Variants in MYO5A observed in about 807,000 individuals in gnomAD.
The protein encoded by MYO5A is unconventional myosin-Va.
A neutral mutation model predicts 249.7 loss-of-function variants in MYO5A; 98 were observed. That is an observed-to-expected ratio of 0.39 (90% confidence interval 0.33 to 0.46). The LOEUF (loss-of-function observed/expected upper bound fraction) is 0.46. MYO5A is among the 20% of genes least tolerant of loss of function. The probability of loss-of-function intolerance (pLI) is 0.98; values close to 1 mark genes in which losing one functional copy is unlikely to be tolerated. For synonymous variants in MYO5A, 778 were observed against 810.6 expected (o/e 0.96, Z 0.68); for missense variants, 1,696 against 2,308.8 (o/e 0.73, Z 5.44).
At chr15:52,391,056 T>C (rs1386019286) in intron 12 of MYO5A, among the ~76,000 whole-genome samples, 1 of 152,214 alleles carries the variant, frequency 6.6e-6, no homozygotes, top group Admixed American at 6.5e-5. Context: ...TTTGCAAGTA[T>C]AATCAAAGGT....
chr15:52,443,353 T>A (rs2075822285), intron 1 of MYO5A, among the ~76,000 whole-genome samples: 1 of 152,248 alleles, frequency 6.6e-6, no homozygotes, highest in South Asian at 2.1e-4. Context: ...CATGAACTTC[T>A]ATAAATGAAC....
intron 34 of MYO5A, 89 bp from the exon 35 acceptor site, chr15:52,330,588 T>C (rs2038844445): frequency 6.8e-7 from 1 of 1,460,154 alleles, no homozygotes; most frequent in Non-Finnish European, 9.5e-7. Flanking sequence ...GAATGCATTC[T>C]ACAACAACCG....
At chr15:52,346,149 C>T (rs1234837778) in intron 30 of MYO5A, among the ~76,000 whole-genome samples, 1 of 152,170 alleles carries the variant, frequency 6.6e-6, no homozygotes, top group Non-Finnish European at 1.5e-5. Context: ...ATTTAAAGCA[C>T]ATTTTCCCTG....
intron 1 of MYO5A, among the ~76,000 whole-genome samples, chr15:52,504,853 C>T (rs1021798401): frequency 6.6e-6 from 1 of 150,732 alleles, no homozygotes; most frequent in African/African-American, 2.4e-5. Flanking sequence ...CGCACCACTG[C>T]ACTCCAGCCC....
At chr15:52,360,774 C>T (rs114358603) in intron 24 of MYO5A, among the ~76,000 whole-genome samples, 5,562 of 152,180 alleles carry the variant, frequency 0.037, 137 homozygotes, top group Non-Finnish European at 0.05. Flanking sequence ...AAAAGTTTAG[C>T]AACGACACAC....
chr15:52,393,864 G>A (rs1412738611), intron 11 of MYO5A, among the ~76,000 whole-genome samples: 2 of 152,196 alleles, frequency 1.3e-5, no homozygotes, highest in African/African-American at 2.4e-5. Flanking sequence ...CTGATGGTAC[G>A]AGTATCTTCC....
At chr15:52,529,037 C>T (rs1447334014), upstream of MYO5A, 1 of 239,436 alleles carries the variant, frequency 4.2e-6, no homozygotes, top group Non-Finnish European at 7.6e-6. Flanking sequence ...GCGAGCGCTC[C>T]ACCTGCCCGG....
chr15:52,371,631 T>C (rs536069322), intron 21 of MYO5A, among the ~76,000 whole-genome samples: 26 of 152,142 alleles, frequency 1.7e-4, no homozygotes, highest in Non-Finnish European at 2.5e-4. Context: ...CTCATGCTTG[T>C]AATCCCAGTA....
intron 1 of MYO5A, among the ~76,000 whole-genome samples, chr15:52,521,254 G>A (rs1003778164): frequency 1.3e-5 from 2 of 149,606 alleles, no homozygotes; most frequent in Non-Finnish European, 3.0e-5. Context: ...AACCTCTACT[G>A]TATTCCCAGC....
intron 1 of MYO5A, among the ~76,000 whole-genome samples, chr15:52,465,457 C>G (rs2076333222): frequency 6.6e-6 from 1 of 151,834 alleles, no homozygotes; most frequent in Non-Finnish European, 1.5e-5. Flanking sequence ...ACATCATAAA[C>G]AAACCCAAAA....
intron 1 of MYO5A, chr15:52,435,775 C>A: frequency 2.5e-6 from 1 of 401,710 alleles, no homozygotes; most frequent in Admixed American, 3.0e-5. Context: ...ATTGGCAGCA[C>A]TTACAGACAA....
Position 52,321,487 on chromosome 15 carries a change from G to T in MYO5A, c.4823C>A (p.Ser1608Tyr), listed in dbSNP as rs772562967. Reference sequence around the variant, plus strand: ...GGTGAGGCAGTGTTCATTCTGGCGAGATGTGTTGTGCTTCATAAAGCCCTA... The same window carrying T: ...GGTGAGGCAGTGTTCATTCTGGCGATATGTGTTGTGCTTCATAAAGCCCTA... ...GEEGFMKHNTSRQNEHCLTNF... is the reference protein window; with the variant it reads ...GEEGFMKHNTYRQNEHCLTNF... Residue 1608 changes from serine (S) to tyrosine (Y), a missense_variant, in exon 38 of 42, where the codon TCT becomes TAT. By Grantham distance (144) the Ser-to-Tyr change is moderately radical. Transcript: ENST00000399233. 13 of 1,614,088 alleles carry T rather than the reference G, an allele frequency of 8.1e-6. No individual in the cohort carries two copies.
intron 25 of MYO5A, among the ~76,000 whole-genome samples, chr15:52,359,015 G>A (rs2040387246): frequency 2.0e-5 from 3 of 152,166 alleles, no homozygotes; most frequent in Admixed American, 2.0e-4. Flanking sequence ...ACAAGCCTCA[G>A]TTAGTATGCT....
intron 1 of MYO5A, among the ~76,000 whole-genome samples, chr15:52,476,994 A>T (rs1022677331): frequency 6.6e-6 from 1 of 152,186 alleles, no homozygotes; most frequent in African/African-American, 2.4e-5. Flanking sequence ...GTGTTTTCCA[A>T]CTTGGTTCCA....
Position 52,372,375 on chromosome 15 carries a change from G to C in MYO5A, c.2578-12C>G. On this transcript the variant is annotated splice_polypyrimidine_tract_variant and intron_variant, in intron 20 of 41. Transcript: ENST00000399233. The stretch of plus-strand genomic sequence containing the variant: ...TGCTCACGGAGTATCTGCAGAAAAG[G>C]ATAAGGGCAAGCAATGTCAAGACCC... 2 of 1,599,880 alleles carry C rather than the reference G, an allele frequency of 1.3e-6. No individual in the cohort carries two copies. Among genetic ancestry groups the C allele is most frequent in the Non-Finnish European group, 1.7e-6 (2 of 1,179,814 alleles).
At chr15:52,398,815 C>T (rs1408203972) in intron 9 of MYO5A, among the ~76,000 whole-genome samples, 2 of 152,038 alleles carry the variant, frequency 1.3e-5, no homozygotes, top group African/African-American at 4.8e-5. Context: ...ATGGTGAAAC[C>T]CTGTCTCTAC....
intron 1 of MYO5A, among the ~76,000 whole-genome samples, chr15:52,437,021 T>C (rs909148963): frequency 1.3e-5 from 2 of 152,320 alleles, no homozygotes; most frequent in African/African-American, 4.8e-5. Context: ...TAAACCAATA[T>C]ATAAGTACAA....
chr15:52,505,826 T>C, intron 1 of MYO5A: 3 of 1,594,732 alleles, frequency 1.9e-6, no homozygotes, highest in Non-Finnish European at 2.5e-6. Flanking sequence ...GAGGACTATG[T>C]GCAGCCCATG....
chr15:52,376,070 T>C (rs899280167), intron 19 of MYO5A, among the ~76,000 whole-genome samples: 20 of 152,238 alleles, frequency 1.3e-4, no homozygotes, highest in African/African-American at 4.1e-4. Context: ...TTTTAATTGA[T>C]ACATGATTTC....
Sources: gnomAD v4.1 joint callset for allele counts (sites outside exome capture counted in the v4.1 genomes callset) on GRCh38, gnomAD v4.1.1 for gene constraint, MANE v1.5 for transcripts, NCBI Gene and HGNC (gene_info 2026-07-23, HGNC 2026-07-21) for gene names.